Variants in PLEC observed in about 807,000 individuals in gnomAD.
PLEC encodes hemidesmosomal protein 1.
PLEC carries 216 observed loss-of-function variants against 392.8 expected under a neutral mutation model. The ratio of observed to expected loss-of-function variants is 0.55; its 90% CI spans 0.49 to 0.62. The LOEUF is 0.62. Ranked by LOEUF, PLEC falls within the 20% of genes least tolerant of loss-of-function variation. PLEC has a pLI of 0.00. For synonymous variants in PLEC, 3,621 were observed against 2,980.6 expected (o/e 1.21, Z -7.00); for missense variants, 6,863 against 6,563.4 (o/e 1.05, Z -1.58).
chr8:143,921,354 G>A lies in PLEC; in HGVS notation c.8467C>T (p.Arg2823Cys), dbSNP rs370334846. ...GGVIDPVHSH[R>C]VPVDVAYRRG... ...CGGTAGGCCACGTCCACGGGCACGC[G>A]GTGGCTGTGCACGGGGTCGATAACG... is the stretch of plus-strand genomic sequence containing the variant. Residue 2823 changes from arginine to cysteine, a missense_variant, in exon 32 of 32, where the codon CGC becomes TGC. Arg to Cys is a radical substitution (Grantham distance 180). Transcript: ENST00000345136. The A allele has an allele frequency of 5.0e-6, 8 of 1,613,530 alleles. No homozygotes were observed. The highest frequency in any genetic ancestry group is 1.7e-5 in the Admixed American group (1 of 59,980).
Position 143,973,343 on chromosome 8 carries a change from G to A in PLEC, c.70+60C>T. ...TCGGGACCGCCACCGTGGACGACAA[G>A]GTGCTCGGCGGCTGGGCTGTCAGGA... On this transcript the variant is annotated intron_variant, in intron 1 of 31. Coordinates refer to the PLEC transcript ENST00000356346. The surrounding 1 kb of genome is among the most constrained non-coding windows in gnomAD (Gnocchi z 5.6). The A allele has an allele frequency of 6.5e-7, 1 of 1,532,232 alleles. No homozygotes were observed. Among genetic ancestry groups the A allele is most frequent in the Non-Finnish European group, 8.8e-7 (1 of 1,136,806 alleles). 94.9% of individuals were successfully genotyped at this position (1,532,232 alleles called of 1,614,324 possible).
At chr8:143,960,512 G>A (rs1832824487) in intron 1 of PLEC, among the ~76,000 whole-genome samples, 1 of 151,886 alleles carries the variant, frequency 6.6e-6, no homozygotes, top group African/African-American at 2.4e-5. Flanking sequence ...AGCTACTCAG[G>A]AGGCTGAGGC....
chr8:143,939,675 C>G (rs149878798), upstream of PLEC: 130 of 1,393,558 alleles, frequency 9.3e-5, no homozygotes, highest in East Asian at 3.5e-3. Flanking sequence ...CTGCCCAGGC[C>G]GCCGCCAGGG....
chr8:143,920,925 G>A lies in PLEC; in HGVS notation c.8896C>T (p.Gln2966Ter), dbSNP rs1554683453. ...IKIIITVVEE[Q>*]EQKGRLCFEG... ...AAGCAAAGCCGGCCCTTCTGCTCCT[G>A]CTCCTCCACCACCGTGATGATGATC... The change falls in exon 32 of 32, where the codon CAG becomes TAG. Residue 2966 changes from glutamine to a stop codon, truncating the protein, a stop_gained. Coordinates refer to ENST00000345136, the MANE Select transcript of PLEC (RefSeq NM_201384.3). LOFTEE classifies it high-confidence loss of function. The A allele has an allele frequency of 6.2e-7, 1 of 1,612,708 alleles. No individual in the cohort carries two copies. Among genetic ancestry groups the A allele is most frequent in the East Asian group, 2.2e-5 (1 of 44,880 alleles).
At chr8:143,958,138 GC>G (rs1554739757), upstream of PLEC, among the ~76,000 whole-genome samples, 1 of 149,184 alleles carries the variant, frequency 6.7e-6, no homozygotes, top group East Asian at 1.9e-4. This position sits in a 1 kb window ranked among gnomAD's most constrained non-coding sequence, Gnocchi z 4.9. Context: ...CCCAACAACA[GC>G]CCGGCCTCTG....
At chr8:143,945,036 T>G (rs925311480) in intron 1 of PLEC, among the ~76,000 whole-genome samples, 4 of 152,202 alleles carry the variant, frequency 2.6e-5, no homozygotes, top group Admixed American at 2.6e-4. Context: ...CTCACGTCCC[T>G]GCAGGAGGCG....
At chr8:143,942,696 G>T (rs1490880344), upstream of PLEC, among the ~76,000 whole-genome samples, 1 of 152,130 alleles carries the variant, frequency 6.6e-6, no homozygotes, top group Non-Finnish European at 1.5e-5. Context: ...CCTGCCCCTG[G>T]CGCGCAGCCC....
chr8:143,944,972 C>T (rs900067344), intron 1 of PLEC, among the ~76,000 whole-genome samples: 1 of 152,078 alleles, frequency 6.6e-6, no homozygotes, highest in Admixed American at 6.5e-5. Flanking sequence ...ACCTCGGTCC[C>T]CCAGCTCCCA....
chr8:143,966,703 T>C (rs1316865198), intron 1 of PLEC, among the ~76,000 whole-genome samples: 2 of 151,602 alleles, frequency 1.3e-5, no homozygotes, highest in Non-Finnish European at 2.9e-5. Context: ...GAAGCTGGAT[T>C]CTGCCACAGG....
In PLEC at chr8:143,916,893, G is replaced by T. The variant is rs782269716; in HGVS notation, c.12928C>A (p.Arg4310=). 4 of 1,612,578 alleles carry T rather than the reference G, an allele frequency of 2.5e-6. No individual in the cohort carries two copies. In the Admixed American group the frequency reaches 6.7e-5, roughly 27 times the overall value. The change falls in exon 32 of 32, where the codon CGG becomes AGG. Residue 4310 remains arginine, a synonymous_variant. Coordinates refer to ENST00000345136, the MANE Select transcript of PLEC (RefSeq NM_201384.3). Reference sequence around the variant, plus strand: ...GTGCAGGCCTGCGCCTCCAGCAGCCGCTGCCCCGTGATGTTATCCACCAGG... The same window carrying T: ...GTGCAGGCCTGCGCCTCCAGCAGCCTCTGCCCCGTGATGTTATCCACCAGG... ...RNLVDNITGQ[R]LLEAQACTGG... is the part of the protein sequence containing the mutation.
chr8:143,933,073 G>A lies in PLEC; in HGVS notation c.1457C>T (p.Thr486Ile), dbSNP rs1554718834. The change falls in exon 14 of 32, where the codon ACC becomes ATC. Residue 486 changes from threonine to isoleucine, a missense_variant. Coordinates refer to ENST00000345136, the MANE Select transcript of PLEC (RefSeq NM_201384.3). ...RLHERLVAIR[T>I]EYNLRLKAGV... ...TGCCTTCAGCCGTAGGTTGTACTCG[G>A]TGCGGATGGCTACCAGGCGCTCGTG... The A allele has an allele frequency of 1.3e-6, 2 of 1,590,390 alleles. No homozygotes were observed. The highest frequency in any genetic ancestry group is 2.3e-5 in the South Asian group (2 of 88,606).
At position 143,930,368 on chromosome 8, in the gene PLEC, C is replaced by T. The variant is rs1554713659; in HGVS notation, c.2457+16G>A. On this transcript the variant is annotated intron_variant, in intron 20 of 31. Transcript: ENST00000345136. ...GCCTGGCCACGCCCCCCAGTGGACC[C>T]CCGGCCTGCGCTCACCTCCACCTGC... 1.3e-6 allele frequency: 2 copies of T among 1,575,224 alleles called. No homozygotes were observed. The highest frequency in any genetic ancestry group is 1.7e-6 in the Non-Finnish European group (2 of 1,165,472).
In PLEC at chr8:143,929,138, C is replaced by T; in HGVS notation, c.3225G>A (p.Glu1075=). 6.3e-7 allele frequency: 1 copy of T among 1,588,162 alleles called. No individual in the cohort carries two copies. The highest frequency in any genetic ancestry group is 8.6e-7 in the Non-Finnish European group (1 of 1,168,662). The change falls in exon 25 of 32, where the codon GAG becomes GAA. Residue 1075 remains glutamate (E), a synonymous_variant. Coordinates refer to ENST00000345136, the MANE Select transcript of PLEC (RefSeq NM_201384.3). ...AGATGGCAGACAGGCTGCGGACCTG[C>T]TCCAGCTTGCCCAGCGTCAGCTCCA... ...SELELTLGKL[E]QVRSLSAIYL...
chr8:143,929,193 G>A lies in PLEC; in HGVS notation c.3170C>T (p.Ser1057Leu), dbSNP rs782710264. ...AEKVLALPEP[S>L]PAAPTLRSEL... ...CGAGCGCAGCGTGGGGGCCGCAGGC[G>A]ATGGCTCTGGTAGGGCCAAGACCTT... is the stretch of plus-strand genomic sequence containing the variant. The change falls in exon 25 of 32, where the codon TCG (serine) becomes TTG (leucine). Residue 1057 changes from serine to leucine, a missense_variant. By Grantham distance (145) the Ser-to-Leu change is moderately radical (BLOSUM62 -2). Transcript: ENST00000345136. The A allele has an allele frequency of 2.1e-5, 33 of 1,601,134 alleles. No homozygotes were observed. In the Middle Eastern group the frequency reaches 5.0e-4, roughly 24 times the overall value.
intron 3 of PLEC, chr8:143,937,716 G>A (rs782145317): frequency 1.8e-4 from 88 of 489,846 alleles, no homozygotes; most frequent in Middle Eastern, 3.1e-4. Flanking sequence ...GGGAGCTCCC[G>A]TGCCGCTGCA....
At chr8:143,961,358 G>A (rs561965822) in intron 1 of PLEC, among the ~76,000 whole-genome samples, 48 of 152,032 alleles carry the variant, frequency 3.2e-4, no homozygotes, top group African/African-American at 9.9e-4. Context: ...CCTGCGTAGC[G>A]GGGATTACAG....
Position 143,938,196 on chromosome 8 carries a change from G to C in PLEC, c.219C>G (p.Gly73=), listed in dbSNP as rs1829569042. 1.2e-6 allele frequency: 2 copies of C among 1,608,790 alleles called. No homozygotes were observed. Among genetic ancestry groups the C allele is most frequent in the Middle Eastern group, 1.6e-4 (1 of 6,078 alleles). ...CCTCCAGCAGGGAGATGAGGTTGTG[G>C]CCATCGCGGAGGTCTTCATACAGGT... is the stretch of plus-strand genomic sequence containing the variant. ...ISDLYEDLRD[G]HNLISLLEVL... is the part of the protein sequence containing the mutation. Residue 73 remains glycine, a synonymous_variant, in exon 3 of 32, where the codon GGC becomes GGG. Transcript: ENST00000345136.
chr8:143,936,974 T>C lies in PLEC; in HGVS notation c.435+5A>G, dbSNP rs1554723874. The C allele has an allele frequency of 6.2e-7, 1 of 1,608,464 alleles. No individual in the cohort carries two copies. The highest frequency in any genetic ancestry group is 1.3e-5 in the African/African-American group (1 of 74,952). On this transcript the variant is annotated splice_donor_5th_base_variant and intron_variant, in intron 5 of 31. Coordinates refer to ENST00000345136, the MANE Select transcript of PLEC (RefSeq NM_201384.3). Reference sequence around the variant, plus strand: ...GGGTGGGGGTCCTGGGGGCAGCCGTTCTACCTGGAAGTGCAGAATGATTGT... The same window carrying C: ...GGGTGGGGGTCCTGGGGGCAGCCGTCCTACCTGGAAGTGCAGAATGATTGT...
Position 143,926,827 on chromosome 8 carries a change from A to T in PLEC, c.4001T>A (p.Ile1334Asn). 3.1e-6 allele frequency: 5 copies of T among 1,613,850 alleles called. No individual in the cohort carries two copies. The highest frequency in any genetic ancestry group is 4.2e-6 in the Non-Finnish European group (5 of 1,179,964). Residue 1334 changes from isoleucine (I) to asparagine (N), a missense_variant, in exon 30 of 32, where the codon ATC (isoleucine) becomes AAC (asparagine). Coordinates refer to ENST00000345136, the MANE Select transcript of PLEC (RefSeq NM_201384.3). ...SELTTLTSQY[I>N]KFISETLRRM... Reference sequence around the variant, plus strand: ...CCGCAGAGTCTCGCTGATGAACTTGATGTACTGGCTCGTCAGTGTGGTCAG... The same window carrying T: ...CCGCAGAGTCTCGCTGATGAACTTGTTGTACTGGCTCGTCAGTGTGGTCAG...
Sources: gnomAD v4.1 joint callset for allele counts (sites outside exome capture counted in the v4.1 genomes callset) on GRCh38, gnomAD v4.1.1 for gene constraint, Gnocchi (gnomAD v3.1) non-coding constraint, MANE v1.5 for transcripts, NCBI Gene and HGNC (gene_info 2026-07-23, HGNC 2026-07-21) for gene names.